Variants in STAU2 observed in about 807,000 individuals in gnomAD.
The protein encoded by STAU2 is double-stranded RNA-binding protein Staufen homolog 2.
A neutral mutation model predicts 65.9 loss-of-function variants in STAU2; 20 were observed. That is an observed-to-expected ratio of 0.30 (90% CI 0.21 to 0.44). The LOEUF is 0.44. Among genes scored for constraint, STAU2 ranks in the 20% least tolerant of loss-of-function variants. The pLI, the probability that STAU2 is intolerant of heterozygous loss-of-function variation, is 1.00. For missense variants in STAU2, 558 were observed against 683.9 expected (o/e 0.82, Z 2.05); for synonymous variants, 232 against 233.9 (o/e 0.99, Z 0.07).
At chr8:73,533,158 C>T (rs1805939381) in intron 13 of STAU2, among the ~76,000 whole-genome samples, 1 of 152,124 alleles carries the variant, frequency 6.6e-6, no homozygotes, top group South Asian at 2.1e-4. Context: ...TAAATTAAAT[C>T]ATTTTGCTGC....
chr8:73,523,196 CAAAAAAAAAAAA>C (rs763732188), intron 13 of STAU2, among the ~76,000 whole-genome samples: 1,184 of 78,664 alleles, frequency 0.015, 32 homozygotes, highest in African/African-American at 0.056. Context: ...ACTTTGTCTC[CAAAAAAAAAAAA>C]AAAAAAAAAA....
intron 2 of STAU2, 144 bp downstream of exon 2, chr8:73,739,612 T>C (rs1806695109): frequency 6.2e-6 from 4 of 640,470 alleles, no homozygotes; most frequent in Non-Finnish European, 9.2e-6. Context: ...ATATTTTTCT[T>C]ACAATAGTGT....
chr8:73,655,007 C>T (rs536818819), intron 6 of STAU2, among the ~76,000 whole-genome samples: 16 of 152,318 alleles, frequency 1.1e-4, no homozygotes, highest in African/African-American at 3.6e-4. Flanking sequence ...TAAACCACCA[C>T]ATTTGCCTAT....
At chr8:73,483,041 GC>G (rs1245157641) in intron 13 of STAU2, among the ~76,000 whole-genome samples, 3 of 86,472 alleles carry the variant, frequency 3.5e-5, no homozygotes, top group Admixed American at 1.5e-4. Context: ...TTTTTAAAAA[GC>G]CCCATACACA....
At chr8:73,685,508 C>G (rs1322828208) in intron 5 of STAU2, among the ~76,000 whole-genome samples, 1 of 151,780 alleles carries the variant, frequency 6.6e-6, no homozygotes, top group African/African-American at 2.4e-5. Flanking sequence ...TCCCAAGTAG[C>G]TGGGACTACA....
At position 73,521,154 on chromosome 8, in the gene STAU2, G is replaced by A. The variant is rs553165649; in HGVS notation, c.1530+30858C>T. Among the ~76,000 whole-genome samples the A allele has an allele frequency of 5.9e-5, 9 of 152,258 alleles. 1 individual carries two copies. The highest frequency in any genetic ancestry group is 2.2e-4 in the African/African-American group (9 of 41,552). ...ATATCATTAGTTGTAAGACATTACA[G>A]CCTAATGACTCAGGCGAGGAGAATT... On this transcript the variant is annotated intron_variant, in intron 13 of 14. Coordinates refer to ENST00000524300, the MANE Select transcript of STAU2 (RefSeq NM_001164380.2).
At chr8:73,655,973 T>C (rs369318633) in intron 6 of STAU2, among the ~76,000 whole-genome samples, 4 of 147,528 alleles carry the variant, frequency 2.7e-5, no homozygotes, top group Non-Finnish European at 4.5e-5. Context: ...TTAGTAGAGA[T>C]GGGGTTTCAC....
intron 13 of STAU2, among the ~76,000 whole-genome samples, chr8:73,502,861 T>C (rs1821842609): frequency 6.6e-6 from 1 of 152,096 alleles, no homozygotes; most frequent in Admixed American, 6.6e-5. Flanking sequence ...GCACATATTG[T>C]CACACTGGCT....
At chr8:73,523,617 C>A (rs548930110) in intron 13 of STAU2, among the ~76,000 whole-genome samples, 1 of 152,284 alleles carries the variant, frequency 6.6e-6, no homozygotes, top group South Asian at 2.1e-4. Flanking sequence ...TGCAACCACT[C>A]ATCTGTTTTC....
At chr8:73,518,473 T>G (rs1375821853) in intron 13 of STAU2, among the ~76,000 whole-genome samples, 1 of 152,198 alleles carries the variant, frequency 6.6e-6, no homozygotes, top group Non-Finnish European at 1.5e-5. Flanking sequence ...TCTGTCATCA[T>G]AGTGTGAAAG....
chr8:73,715,459 AAAAAAAAG>A lies in STAU2; in HGVS notation c.-17-6305_-17-6298del, dbSNP rs1365807757. On this transcript the variant is annotated intron_variant, in intron 3 of 14. Transcript: ENST00000524300. ...CAACAGAGTGAGACTGTCAAAAAAAAAAAAAAAGAAAGAAAGAAAGAAAAATTCAAATT... is the reference window on the plus strand; with the variant it reads ...CAACAGAGTGAGACTGTCAAAAAAAAAAAGAAAGAAAGAAAAATTCAAATT... Among the ~76,000 whole-genome samples, 5 of 147,126 alleles carry A rather than the reference AAAAAAAAG, an allele frequency of 3.4e-5. No individual in the cohort carries two copies. The East Asian group carries it at 6.1e-4, about 18-fold the overall frequency.
intron 6 of STAU2, among the ~76,000 whole-genome samples, chr8:73,630,475 G>A (rs576172676): frequency 5.9e-5 from 9 of 152,332 alleles, no homozygotes; most frequent in African/African-American, 9.6e-5. Context: ...TTTTGGCCTC[G>A]GGTTATGATG....
chr8:73,504,834 TA>T (rs1821971706), intron 13 of STAU2, among the ~76,000 whole-genome samples: 1 of 152,170 alleles, frequency 6.6e-6, no homozygotes, highest in Non-Finnish European at 1.5e-5. Context: ...AAGCAGTTAG[TA>T]TTCACTACAA....
intron 3 of STAU2, among the ~76,000 whole-genome samples, chr8:73,717,415 C>T (rs1343831035): frequency 1.3e-5 from 2 of 152,080 alleles, no homozygotes; most frequent in African/African-American, 4.8e-5. Context: ...ACATTTAAGT[C>T]CAGAAGCCAT....
At chr8:73,588,762 A>G (rs1055662621) in intron 11 of STAU2, among the ~76,000 whole-genome samples, 2 of 152,218 alleles carry the variant, frequency 1.3e-5, no homozygotes, top group Non-Finnish European at 2.9e-5. Flanking sequence ...ACACCAGTAT[A>G]AAGCAGAGGT....
intron 5 of STAU2, among the ~76,000 whole-genome samples, chr8:73,687,337 T>TTATATTTATAATTTATATAAA (rs1563506801): frequency 9.9e-6 from 1 of 100,904 alleles, no homozygotes; most frequent in South Asian, 2.9e-4. Context: ...ATAAATATAA[T>TTATATTTATAATTTATATAAA]TTATATTTAT....
intron 5 of STAU2, among the ~76,000 whole-genome samples, chr8:73,687,668 G>A (rs1819025873): frequency 6.6e-6 from 1 of 151,032 alleles, no homozygotes; most frequent in Non-Finnish European, 1.5e-5. Context: ...CTCCCAAAGT[G>A]CTAGGATTAC....
intron 7 of STAU2, 56 bp from the exon 8 acceptor site, chr8:73,615,838 T>C (rs1458341407): frequency 1.5e-6 from 2 of 1,326,688 alleles, no homozygotes; most frequent in African/African-American, 2.9e-5. Context: ...AAACTTTACT[T>C]TTATTCTACA....
At chr8:73,534,754 C>A (rs909313114) in intron 13 of STAU2, among the ~76,000 whole-genome samples, 2 of 152,184 alleles carry the variant, frequency 1.3e-5, no homozygotes, top group Non-Finnish European at 2.9e-5. Context: ...TAACAAACAT[C>A]ACATCCACTC....
Sources: gnomAD v4.1 joint callset for allele counts (sites outside exome capture counted in the v4.1 genomes callset) on GRCh38, gnomAD v4.1.1 for gene constraint, MANE v1.5 for transcripts, NCBI Gene and HGNC (gene_info 2026-07-23, HGNC 2026-07-21) for gene names.